ATP8A2: variants seen among roughly 807,000 people sequenced by gnomAD.
ATP8A2 encodes the protein phospholipid-transporting ATPase IB.
A neutral mutation model predicts 165.6 loss-of-function variants in ATP8A2; 100 were observed. The ratio of observed to expected loss-of-function variants is 0.60; its 90% CI spans 0.51 to 0.71. ATP8A2 has a LOEUF of 0.71. Among genes scored for constraint, ATP8A2 ranks in the 30% least tolerant of loss-of-function variants. The probability of loss-of-function intolerance (pLI) is 0.00; values close to 1 mark genes in which losing one functional copy is unlikely to be tolerated. For synonymous variants in ATP8A2, 543 were observed against 548.8 expected (o/e 0.99, Z 0.15); for missense variants, 1,227 against 1,479.5 (o/e 0.83, Z 2.80).
intron 35 of ATP8A2, among the ~76,000 whole-genome samples, chr13:26,008,728 C>T (rs1956789830): frequency 6.6e-6 from 1 of 152,254 alleles, no homozygotes; most frequent in African/African-American, 2.4e-5. Flanking sequence ...GACAGATTCC[C>T]TGCAAAAAAT....
At chr13:25,499,880 G>A (rs2036798355) in intron 2 of ATP8A2, among the ~76,000 whole-genome samples, 1 of 152,122 alleles carries the variant, frequency 6.6e-6, no homozygotes, top group South Asian at 2.1e-4. Flanking sequence ...AACTCACTGT[G>A]GAAGTGATGA....
intron 1 of ATP8A2, among the ~76,000 whole-genome samples, chr13:25,418,890 T>G (rs1189948580): frequency 6.6e-6 from 1 of 152,180 alleles, no homozygotes; most frequent in Non-Finnish European, 1.5e-5. Context: ...CATCCTAAGT[T>G]GGGCTGCTCT....
chr13:25,559,801 GA>G lies in ATP8A2; in HGVS notation c.1397+40del, dbSNP rs751749070. 25 of 1,491,386 alleles carry G rather than the reference GA, an allele frequency of 1.7e-5. No homozygotes were observed. In the East Asian group the frequency reaches 5.7e-4, roughly 34 times the overall value. The allele number at this position is 1,491,386 out of a possible 1,614,324, so 92.4% of individuals were successfully genotyped here. ...TCTAGCACTTCTTGACACTTTAGTG[GA>G]AAAGCTTTTGGAATAATTATTTATT... On this transcript the variant is annotated intron_variant, in intron 15 of 36. Coordinates refer to ENST00000381655, the MANE Select transcript of ATP8A2 (RefSeq NM_016529.6).
At chr13:25,730,702 T>C (rs554212457) in intron 25 of ATP8A2, among the ~76,000 whole-genome samples, 4 of 152,188 alleles carry the variant, frequency 2.6e-5, no homozygotes, top group African/African-American at 9.7e-5. Flanking sequence ...CATGCCCAGT[T>C]TGCTTATTCT....
At chr13:25,975,780 G>A (rs141397372) in intron 35 of ATP8A2, among the ~76,000 whole-genome samples, 2 of 152,002 alleles carry the variant, frequency 1.3e-5, no homozygotes, top group Non-Finnish European at 2.9e-5. Flanking sequence ...CAGGCATCAC[G>A]ACAGTCCACC....
At chr13:25,668,699 G>T (rs1401326158) in intron 24 of ATP8A2, among the ~76,000 whole-genome samples, 1 of 151,958 alleles carries the variant, frequency 6.6e-6, no homozygotes. Flanking sequence ...AGGTCTCTAA[G>T]GCTCTGCTTA....
At chr13:25,693,758 T>G (rs962584375) in intron 24 of ATP8A2, among the ~76,000 whole-genome samples, 5 of 152,182 alleles carry the variant, frequency 3.3e-5, no homozygotes, top group Admixed American at 3.3e-4. Flanking sequence ...GGCACGATCT[T>G]GGCTCACTGC....
At chr13:25,836,071 C>T (rs1306697567) in intron 28 of ATP8A2, among the ~76,000 whole-genome samples, 1 of 152,196 alleles carries the variant, frequency 6.6e-6, no homozygotes, top group East Asian at 1.9e-4. Flanking sequence ...GCTTTCTTTA[C>T]AGAGTTCAAA....
intron 33 of ATP8A2, among the ~76,000 whole-genome samples, chr13:25,950,306 C>T (rs1038340470): frequency 2.0e-5 from 3 of 152,052 alleles, no homozygotes; most frequent in African/African-American, 4.8e-5. Context: ...GGACAGGGGT[C>T]GTTCTGGGTG....
chr13:25,866,551 G>A (rs1032653831), intron 33 of ATP8A2, among the ~76,000 whole-genome samples: 2 of 152,058 alleles, frequency 1.3e-5, no homozygotes, highest in Non-Finnish European at 2.9e-5. Flanking sequence ...CAAATCATCT[G>A]GGTTGCTTGT....
At chr13:25,820,549 G>A (rs113421402) in intron 27 of ATP8A2, among the ~76,000 whole-genome samples, 4 of 152,270 alleles carry the variant, frequency 2.6e-5, no homozygotes, top group Middle Eastern at 3.4e-3. Context: ...AATGGGGGAC[G>A]GACAGTCTGT....
chr13:25,372,144 C>T lies in ATP8A2; in HGVS notation c.-69C>T. Reference sequence around the variant, plus strand: ...CCACCCATGGTCCTCGGGCGGCGGCCCCTGCGCCCAGCCCTGCGCGTAGCC... The same window carrying T: ...CCACCCATGGTCCTCGGGCGGCGGCTCCTGCGCCCAGCCCTGCGCGTAGCC... On this transcript the variant is annotated 5_prime_UTR_variant, in exon 1 of 37. Coordinates refer to ENST00000381655, the MANE Select transcript of ATP8A2 (RefSeq NM_016529.6). This position sits in a 1 kb window ranked among gnomAD's most constrained non-coding sequence, Gnocchi z 4.8. The T allele has an allele frequency of 8.8e-7, 1 of 1,138,726 alleles. No homozygotes were observed. Among genetic ancestry groups the T allele is most frequent in the Non-Finnish European group, 1.1e-6 (1 of 881,654 alleles). 70.5% of individuals were successfully genotyped at this position (1,138,726 alleles called of 1,614,324 possible). A position where few individuals can be genotyped will look rare whatever the true frequency, so the allele number is the denominator to read the frequency against.
intron 21 of ATP8A2, among the ~76,000 whole-genome samples, chr13:25,579,458 C>T (rs7986530): frequency 0.091 from 13,825 of 152,132 alleles, 774 homozygotes; most frequent in African/African-American, 0.14. Flanking sequence ...TGGGATAGCA[C>T]GTGGGGCCTT....
intron 33 of ATP8A2, among the ~76,000 whole-genome samples, chr13:25,943,716 T>C (rs763746675): frequency 2.6e-5 from 4 of 152,242 alleles, no homozygotes; most frequent in African/African-American, 7.2e-5. Context: ...GCTTCATAGA[T>C]CCCAACTTTA....
At chr13:25,829,690 A>G (rs545064257) in intron 28 of ATP8A2, among the ~76,000 whole-genome samples, 2 of 53,452 alleles carry the variant, frequency 3.7e-5, no homozygotes, top group East Asian at 8.9e-4. Context: ...ATATATATAT[A>G]TATATATATA....
chr13:25,490,248 C>G (rs2036482990), intron 2 of ATP8A2, among the ~76,000 whole-genome samples: 1 of 152,236 alleles, frequency 6.6e-6, no homozygotes, highest in Non-Finnish European at 1.5e-5. Flanking sequence ...CTCCGAGCAG[C>G]CTCCTGGCCT....
intron 1 of ATP8A2, among the ~76,000 whole-genome samples, chr13:25,385,887 C>CT (rs2033022697): frequency 6.6e-6 from 1 of 151,046 alleles, no homozygotes. Context: ...GAGATGAGGT[C>CT]TCCCTGTGTT....
chr13:25,456,112 G>A (rs992508798), intron 1 of ATP8A2, among the ~76,000 whole-genome samples: 9 of 152,134 alleles, frequency 5.9e-5, no homozygotes, highest in Non-Finnish European at 2.9e-5. Context: ...CTCACTGCAC[G>A]GGATGTTCTT....
chr13:25,387,462 C>T (rs2033097343), intron 1 of ATP8A2, among the ~76,000 whole-genome samples: 1 of 152,084 alleles, frequency 6.6e-6, no homozygotes, highest in South Asian at 2.1e-4. Context: ...GTGGGGTTCA[C>T]CTGCTAGAGC....
Sources: gnomAD v4.1 joint callset for allele counts (sites outside exome capture counted in the v4.1 genomes callset) on GRCh38, gnomAD v4.1.1 for gene constraint, Gnocchi (gnomAD v3.1) non-coding constraint, MANE v1.5 for transcripts, NCBI Gene and HGNC (gene_info 2026-07-23, HGNC 2026-07-21) for gene names.